SAMD12: variants seen among roughly 807,000 people sequenced by gnomAD.
SAMD12 encodes the protein sterile alpha motif domain-containing protein 12.
A neutral mutation model predicts 15.0 loss-of-function variants in SAMD12; 9 were observed. The observed-to-expected ratio is 0.60, with a 90% confidence interval of 0.36 to 1.05. SAMD12 has a LOEUF of 1.05. SAMD12 is among the 50% of genes least tolerant of loss of function. The pLI is 0.01. For missense variants in SAMD12, 230 were observed against 234.2 expected, an observed-to-expected ratio of 0.98 and a Z score of 0.12; for synonymous variants, 86 against 90.1, an observed-to-expected ratio of 0.96 and a Z score of 0.25.
chr8:118,591,960 G>T (rs995554039), intron 1 of SAMD12, among the ~76,000 whole-genome samples: 1 of 152,128 alleles, frequency 6.6e-6, no homozygotes, highest in Non-Finnish European at 1.5e-5. Context: ...CATGAAGGTG[G>T]TGATACCTAT....
intron 2 of SAMD12, among the ~76,000 whole-genome samples, chr8:118,523,909 C>A (rs1257749734): frequency 5.3e-5 from 8 of 152,106 alleles, no homozygotes; most frequent in African/African-American, 1.9e-4. Flanking sequence ...CTTACTCTGC[C>A]TTTTCTCTTG....
chr8:118,197,758 T>C (rs760840388), intron 4 of SAMD12: 27 of 1,608,150 alleles, frequency 1.7e-5, no homozygotes, highest in Admixed American at 5.0e-5. Flanking sequence ...GGGGGAAATA[T>C]GGTAAGTTCT....
At chr8:118,233,509 G>C (rs959994371) in intron 4 of SAMD12, among the ~76,000 whole-genome samples, 1 of 152,130 alleles carries the variant, frequency 6.6e-6, no homozygotes. Context: ...AAAAGAAGTG[G>C]TTTAAGCACT....
At chr8:118,574,104 A>T (rs1212342054) in intron 2 of SAMD12, among the ~76,000 whole-genome samples, 1 of 152,192 alleles carries the variant, frequency 6.6e-6, no homozygotes, top group Non-Finnish European at 1.5e-5. Flanking sequence ...TTGAGCTAGG[A>T]CCTAAATGAC....
At chr8:118,174,997 T>C in the SAMD12 span, among the ~76,000 whole-genome samples, 2 of 148,820 alleles carry the variant, frequency 1.3e-5, no homozygotes, top group Non-Finnish European at 3.0e-5. Flanking sequence ...CAATGCCATA[T>C]GACTTTCAAA....
intron 2 of SAMD12, among the ~76,000 whole-genome samples, chr8:118,483,891 A>C (rs1169405876): frequency 6.6e-6 from 1 of 152,226 alleles, no homozygotes; most frequent in African/African-American, 2.4e-5. Context: ...ATAGATTCAA[A>C]GCCAGATTTA....
chr8:118,482,897 G>A (rs1824168316), intron 2 of SAMD12, among the ~76,000 whole-genome samples: 3 of 152,190 alleles, frequency 2.0e-5, no homozygotes, highest in South Asian at 2.1e-4. Flanking sequence ...CTGTACTGAA[G>A]TGTTTTCACT....
At chr8:118,442,581 C>T (rs1184733147) in intron 2 of SAMD12, among the ~76,000 whole-genome samples, 1 of 152,174 alleles carries the variant, frequency 6.6e-6, no homozygotes, top group Non-Finnish European at 1.5e-5. Context: ...TTTCTCTTTG[C>T]TCATCATCAC....
intron 4 of SAMD12, among the ~76,000 whole-genome samples, chr8:118,338,961 C>T (rs10216476): frequency 0.1 from 15,899 of 152,186 alleles, 1,510 homozygotes; most frequent in African/African-American, 0.24. Flanking sequence ...AAGAATGAGC[C>T]GCCACTTATC....
chr8:118,568,302 G>T (rs1401075735), intron 2 of SAMD12, among the ~76,000 whole-genome samples: 2 of 152,172 alleles, frequency 1.3e-5, no homozygotes, highest in Non-Finnish European at 2.9e-5. Flanking sequence ...TTGGAGGTGG[G>T]AAGGTACCTG....
intron 2 of SAMD12, among the ~76,000 whole-genome samples, chr8:118,552,709 G>T (rs190838060): frequency 6.7e-6 from 1 of 149,948 alleles, no homozygotes; most frequent in Non-Finnish European, 1.5e-5. Flanking sequence ...GGAAATAAAG[G>T]GTATTCAATT....
chr8:118,381,451 T>C (rs1015330570), intron 3 of SAMD12, among the ~76,000 whole-genome samples: 2 of 152,240 alleles, frequency 1.3e-5, no homozygotes, highest in African/African-American at 4.8e-5. Context: ...TGTTAATTTC[T>C]TACCTTACAT....
chr8:118,555,565 A>G (rs1238263784), intron 2 of SAMD12, among the ~76,000 whole-genome samples: 2 of 152,232 alleles, frequency 1.3e-5, no homozygotes. Context: ...TTGTTAATGA[A>G]TCAAAGAAGC....
the SAMD12 span, among the ~76,000 whole-genome samples, chr8:118,181,873 G>A: frequency 1.3e-5 from 2 of 152,306 alleles, no homozygotes; most frequent in African/African-American, 4.8e-5. Flanking sequence ...TGCTCTAAAC[G>A]TAATTGCTAT....
chr8:118,187,202 T>C (rs1819257469), downstream of SAMD12, among the ~76,000 whole-genome samples: 1 of 152,250 alleles, frequency 6.6e-6, no homozygotes, highest in African/African-American at 2.4e-5. Context: ...TCCCACTTTG[T>C]ATTTCCCCAG....
At chr8:118,620,208 G>T (rs147104875) in intron 1 of SAMD12, among the ~76,000 whole-genome samples, 11 of 152,242 alleles carry the variant, frequency 7.2e-5, no homozygotes, top group African/African-American at 2.6e-4. Context: ...ACAAAGAGGA[G>T]TGTCCCTGTC....
At chr8:118,393,123 C>A (rs1820371067) in intron 3 of SAMD12, among the ~76,000 whole-genome samples, 1 of 152,152 alleles carries the variant, frequency 6.6e-6, no homozygotes, top group Non-Finnish European at 1.5e-5. Flanking sequence ...CACAGCAACA[C>A]CCTGGGATGT....
intron 2 of SAMD12, among the ~76,000 whole-genome samples, chr8:118,548,781 A>G (rs569045601): frequency 6.6e-6 from 1 of 152,342 alleles, no homozygotes; most frequent in South Asian, 2.1e-4. Context: ...AGTCAAAGAA[A>G]GGGGTGACAG....
intron 2 of SAMD12, among the ~76,000 whole-genome samples, chr8:118,476,745 A>G (rs1439878015): frequency 6.6e-6 from 1 of 152,208 alleles, no homozygotes; most frequent in African/African-American, 2.4e-5. Flanking sequence ...ATTACTAAAA[A>G]TACATACTAA....
Sources: gnomAD v4.1 joint callset for allele counts (sites outside exome capture counted in the v4.1 genomes callset) on GRCh38, gnomAD v4.1.1 for gene constraint, MANE v1.5 for transcripts, NCBI Gene and HGNC (gene_info 2026-07-23, HGNC 2026-07-21) for gene names.